Variants in RFPL1 observed in about 807,000 individuals in gnomAD.
RFPL1 encodes the protein ret finger protein like 1.
In RFPL1, 6 loss-of-function variants were observed where a neutral mutation model predicts 9.6. The observed-to-expected ratio is 0.62, with a 90% CI of 0.34 to 1.23. The LOEUF is 1.23. Among genes scored for constraint, RFPL1 ranks in the 50% most tolerant of loss-of-function variants. The pLI, the probability that RFPL1 is intolerant of heterozygous loss-of-function variation, is 0.03. For synonymous variants in RFPL1, 145 were observed against 149.4 expected, an observed-to-expected ratio of 0.97 and a Z score of 0.22; for missense variants, 352 against 398.4, an observed-to-expected ratio of 0.88 and a Z score of 0.99.
At chr22:29,400,428 C>G in the RFPL1 span, among the ~76,000 whole-genome samples, 1 of 152,214 alleles carries the variant, frequency 6.6e-6, no homozygotes, top group Admixed American at 6.5e-5. Flanking sequence ...GAAGAAATGT[C>G]TCTAGTCACA....
chr22:29,395,959 C>T, the RFPL1 span, among the ~76,000 whole-genome samples: 11 of 149,992 alleles, frequency 7.3e-5, no homozygotes, highest in African/African-American at 2.2e-4. Flanking sequence ...GGCAACAGAG[C>T]GAGACTCTGT....
At chr22:29,393,922 C>T in the RFPL1 span, among the ~76,000 whole-genome samples, 1 of 152,140 alleles carries the variant, frequency 6.6e-6, no homozygotes, top group African/African-American at 2.4e-5. Context: ...AATGATCTGC[C>T]CGCCTTGGCC....
the RFPL1 span, among the ~76,000 whole-genome samples, chr22:29,432,437 A>C: frequency 1.3e-5 from 2 of 152,140 alleles, no homozygotes; most frequent in African/African-American, 4.8e-5. Context: ...TTACTTCTGT[A>C]AGATTGCTTC....
chr22:29,439,186 C>G (rs187192838), intron 1 of RFPL1, 22 bp downstream of exon 1: 2 of 1,603,514 alleles, frequency 1.2e-6, no homozygotes, highest in Non-Finnish European at 1.7e-6. Flanking sequence ...GTATACACTG[C>G]CCCCTTCCTA....
At chr22:29,432,711 C>T in the RFPL1 span, among the ~76,000 whole-genome samples, 1,067 of 152,316 alleles carry the variant, frequency 7.0e-3, 17 homozygotes, top group African/African-American at 0.025. Flanking sequence ...ACACCAGCTT[C>T]TCAACTGAAG....
chr22:29,403,672 A>C, the RFPL1 span, among the ~76,000 whole-genome samples: 1 of 152,378 alleles, frequency 6.6e-6, no homozygotes. Flanking sequence ...ACAGAAAAAG[A>C]AATGCAGACG....
upstream of RFPL1, chr22:29,437,666 T>C (rs1029238096): frequency 2.5e-6 from 4 of 1,592,528 alleles, no homozygotes; most frequent in African/African-American, 1.4e-5. Context: ...CATGTGCCCC[T>C]TCCGCACAAG....
the RFPL1 span, among the ~76,000 whole-genome samples, chr22:29,409,165 T>C: frequency 6.6e-6 from 1 of 152,174 alleles, no homozygotes; most frequent in Non-Finnish European, 1.5e-5. Context: ...ATTTACACGG[T>C]TGTGCAACCA....
the RFPL1 span, among the ~76,000 whole-genome samples, chr22:29,421,922 C>A: frequency 1.1e-4 from 17 of 152,306 alleles, no homozygotes; most frequent in East Asian, 2.3e-3. Context: ...TCAGTAAAAA[C>A]CAGCTAGACC....
chr22:29,438,185 T>TTC, upstream of RFPL1: 1 of 148,250 alleles, frequency 6.7e-6, no homozygotes, highest in African/African-American at 2.6e-5. Flanking sequence ...CTCTCTTTTT[T>TTC]TTTTTTTTTT....
the RFPL1 span, chr22:29,419,155 C>T: frequency 6.2e-7 from 1 of 1,609,776 alleles, no homozygotes; most frequent in Non-Finnish European, 8.5e-7. Flanking sequence ...TCCTACACAC[C>T]TGACATCTTT....
At chr22:29,409,778 G>A in the RFPL1 span, among the ~76,000 whole-genome samples, 1 of 152,196 alleles carries the variant, frequency 6.6e-6, no homozygotes, top group South Asian at 2.1e-4. Context: ...AACATCAAGG[G>A]AATATCATAT....
chr22:29,399,629 C>T, the RFPL1 span, among the ~76,000 whole-genome samples: 1 of 152,226 alleles, frequency 6.6e-6, no homozygotes, highest in African/African-American at 2.4e-5. Flanking sequence ...TCAAACTTTA[C>T]TTAAATCTTT....
At chr22:29,388,387 T>G in the RFPL1 span, 1 of 152,052 alleles carries the variant, frequency 6.6e-6, no homozygotes, top group Non-Finnish European at 1.5e-5. Context: ...CTCGCCCCAC[T>G]TCTTCTCCTG....
At chr22:29,413,753 G>A in the RFPL1 span, among the ~76,000 whole-genome samples, 2 of 152,026 alleles carry the variant, frequency 1.3e-5, no homozygotes, top group Non-Finnish European at 1.5e-5. Context: ...GCAGGTTAGC[G>A]CTTTAAGAAA....
chr22:29,411,412 T>C, the RFPL1 span, among the ~76,000 whole-genome samples: 1 of 152,332 alleles, frequency 6.6e-6, no homozygotes, highest in Middle Eastern at 3.4e-3. Context: ...CCATTCTGAA[T>C]AGGTATTGGC....
the RFPL1 span, among the ~76,000 whole-genome samples, chr22:29,404,885 C>A: frequency 6.6e-6 from 1 of 152,078 alleles, no homozygotes; most frequent in South Asian, 2.1e-4. Context: ...CACTACCACA[C>A]CTGGCTAATT....
the RFPL1 span, among the ~76,000 whole-genome samples, chr22:29,415,411 C>T: frequency 1.3e-5 from 2 of 152,248 alleles, no homozygotes; most frequent in African/African-American, 4.8e-5. Flanking sequence ...AGCCACTGCA[C>T]TGATCCTCTG....
the RFPL1 span, among the ~76,000 whole-genome samples, chr22:29,397,013 TCTC>T: frequency 1.3e-5 from 2 of 150,662 alleles, no homozygotes; most frequent in African/African-American, 4.9e-5. Context: ...TTCACGCCAT[TCTC>T]CTGCCTCAGT....
Sources: gnomAD v4.1 joint callset for allele counts (sites outside exome capture counted in the v4.1 genomes callset) on GRCh38, gnomAD v4.1.1 for gene constraint, MANE v1.5 for transcripts, NCBI Gene and HGNC (gene_info 2026-07-23, HGNC 2026-07-21) for gene names.